The following PAK5 variants were observed in gnomAD, a reference collection of about 807,000 sequenced individuals.
PAK5 encodes the protein serine/threonine-protein kinase PAK 5.
In PAK5, 16 loss-of-function variants were observed where a neutral mutation model predicts 65.9. The ratio of observed to expected loss-of-function variants is 0.24; its 90% CI spans 0.16 to 0.37. PAK5 has a LOEUF of 0.37. Ranked by LOEUF, PAK5 falls within the 10% of genes least tolerant of loss-of-function variation. The pLI, the probability that PAK5 is intolerant of heterozygous loss-of-function variation, is 1.00. For missense variants in PAK5, 785 were observed against 903.9 expected, an observed-to-expected ratio of 0.87 and a Z score of 1.69; for synonymous variants, 371 against 354.9, an observed-to-expected ratio of 1.05 and a Z score of -0.51.
intron 2 of PAK5, among the ~76,000 whole-genome samples, chr20:9,660,859 A>G (rs2047336154): frequency 6.6e-6 from 1 of 152,136 alleles, no homozygotes; most frequent in Non-Finnish European, 1.5e-5. Context: ...TGAGACAGAG[A>G]TGGAACAGGA....
intron 5 of PAK5, among the ~76,000 whole-genome samples, chr20:9,563,477 A>G (rs1321971018): frequency 6.6e-6 from 1 of 152,234 alleles, no homozygotes; most frequent in Non-Finnish European, 1.5e-5. Context: ...TATTATTAGA[A>G]CTGGAGCCAC....
intron 7 of PAK5, 95 bp downstream of exon 7, chr20:9,557,513 A>G: frequency 9.5e-7 from 1 of 1,048,724 alleles, no homozygotes; most frequent in Non-Finnish European, 1.3e-6. Flanking sequence ...ACTAAGAAAA[A>G]TTAGAGTTAT....
intron 1 of PAK5, among the ~76,000 whole-genome samples, chr20:9,749,218 T>TA (rs2048546021): frequency 1.3e-5 from 2 of 152,140 alleles, no homozygotes; most frequent in African/African-American, 4.8e-5. Context: ...CACTTGGCAG[T>TA]AATTAATTTT....
chr20:9,718,811 C>T (rs550046887), intron 1 of PAK5, among the ~76,000 whole-genome samples: 5 of 152,244 alleles, frequency 3.3e-5, no homozygotes, highest in East Asian at 3.9e-4. Context: ...CTTTATAACA[C>T]GGATAATTTT....
chr20:9,823,974 A>AATGATAAC (rs539968514), intron 1 of PAK5, among the ~76,000 whole-genome samples: 90 of 152,334 alleles, frequency 5.9e-4, no homozygotes, highest in Non-Finnish European at 9.7e-4. Flanking sequence ...AAATGGGAAT[A>AATGATAAC]ATGATAACAC....
At chr20:9,650,002 G>C (rs1209343431) in intron 2 of PAK5, among the ~76,000 whole-genome samples, 1 of 152,158 alleles carries the variant, frequency 6.6e-6, no homozygotes, top group African/African-American at 2.4e-5. Flanking sequence ...AGTACAAACT[G>C]GTCCATGCTC....
At chr20:9,787,996 T>C (rs941853957) in intron 1 of PAK5, among the ~76,000 whole-genome samples, 6 of 151,594 alleles carry the variant, frequency 4.0e-5, no homozygotes, top group African/African-American at 1.5e-4. Flanking sequence ...GGGGGGTATG[T>C]GTGAGTACCC....
chr20:9,564,525 G>T (rs992934351), intron 5 of PAK5, among the ~76,000 whole-genome samples: 1 of 152,204 alleles, frequency 6.6e-6, no homozygotes, highest in Non-Finnish European at 1.5e-5. Context: ...TTCATATCTA[G>T]CAGATGAACA....
At chr20:9,602,423 G>A (rs1162289967) in intron 3 of PAK5, among the ~76,000 whole-genome samples, 1 of 152,150 alleles carries the variant, frequency 6.6e-6, no homozygotes, top group African/African-American at 2.4e-5. Flanking sequence ...TAGTGCCCAT[G>A]GCTAGCTGCA....
At chr20:9,692,262 T>C (rs1427186235) in intron 2 of PAK5, among the ~76,000 whole-genome samples, 1 of 152,216 alleles carries the variant, frequency 6.6e-6, no homozygotes, top group Non-Finnish European at 1.5e-5. Flanking sequence ...CCACATTCTT[T>C]GTGTGAAAGC....
At chr20:9,628,346 G>A (rs1001927341) in intron 3 of PAK5, among the ~76,000 whole-genome samples, 1 of 152,088 alleles carries the variant, frequency 6.6e-6, no homozygotes, top group Non-Finnish European at 1.5e-5. Context: ...TGGCTCCAGA[G>A]GGCTCTTAAG....
chr20:9,648,943 T>C (rs556890546), intron 2 of PAK5, among the ~76,000 whole-genome samples: 3 of 152,166 alleles, frequency 2.0e-5, no homozygotes, highest in East Asian at 3.9e-4. Flanking sequence ...CTGAGCAGCC[T>C]CTCCTACAGA....
At chr20:9,809,083 C>T (rs2049266924) in intron 1 of PAK5, among the ~76,000 whole-genome samples, 1 of 151,996 alleles carries the variant, frequency 6.6e-6, no homozygotes, top group Non-Finnish European at 1.5e-5. Flanking sequence ...TGTTTAGATG[C>T]TACTTCTGGA....
At chr20:9,718,131 T>G (rs2048171581) in intron 1 of PAK5, among the ~76,000 whole-genome samples, 1 of 152,052 alleles carries the variant, frequency 6.6e-6, no homozygotes, top group Non-Finnish European at 1.5e-5. Flanking sequence ...TTAATGAGCC[T>G]TCTTCTGTTT....
chr20:9,568,836 A>T (rs995813214), intron 4 of PAK5, among the ~76,000 whole-genome samples: 1 of 152,158 alleles, frequency 6.6e-6, no homozygotes, highest in African/African-American at 2.4e-5. Flanking sequence ...TGTCTCAGAA[A>T]TAATAAAAAT....
At chr20:9,590,697 C>T (rs73063749) in intron 3 of PAK5, among the ~76,000 whole-genome samples, 1,531 of 152,092 alleles carry the variant, frequency 0.01, 15 homozygotes, top group Non-Finnish European at 0.015. Context: ...TATGGCACCA[C>T]AGGCATCACT....
intron 2 of PAK5, among the ~76,000 whole-genome samples, chr20:9,695,543 A>G (rs973866101): frequency 1.3e-5 from 2 of 152,038 alleles, no homozygotes; most frequent in South Asian, 4.1e-4. Flanking sequence ...AAATGCAGTG[A>G]CCTTTAATAA....
intron 4 of PAK5, among the ~76,000 whole-genome samples, chr20:9,576,901 G>A (rs1441630550): frequency 6.6e-6 from 1 of 152,214 alleles, no homozygotes; most frequent in Non-Finnish European, 1.5e-5. Context: ...TAATGAACTG[G>A]TGGGATTGTT....
At chr20:9,574,728 G>T (rs906316167) in intron 4 of PAK5, among the ~76,000 whole-genome samples, 1 of 152,198 alleles carries the variant, frequency 6.6e-6, no homozygotes, top group Admixed American at 6.5e-5. Context: ...AGGGACAGAC[G>T]TTAGAGATAG....
Sources: gnomAD v4.1 joint callset for allele counts (sites outside exome capture counted in the v4.1 genomes callset) on GRCh38, gnomAD v4.1.1 for gene constraint, MANE v1.5 for transcripts, NCBI Gene and HGNC (gene_info 2026-07-23, HGNC 2026-07-21) for gene names.